Variants in RUNX1 observed in about 807,000 individuals in gnomAD.
RUNX1 encodes RUNX family transcription factor 1.
A neutral mutation model predicts 42.8 loss-of-function variants in RUNX1; 19 were observed. The ratio of observed to expected loss-of-function variants is 0.44; its 90% CI spans 0.31 to 0.65. The LOEUF is 0.65. RUNX1 is among the 30% of genes least tolerant of loss of function. The probability of loss-of-function intolerance (pLI) is 0.07; values close to 1 mark genes in which losing one functional copy is unlikely to be tolerated. For missense variants in RUNX1, 528 were observed against 672.0 expected (o/e 0.79, Z 2.37); for synonymous variants, 271 against 289.4 (o/e 0.94, Z 0.64).
intron 6 of RUNX1, among the ~76,000 whole-genome samples, chr21:34,849,708 A>G (rs1473638564): frequency 2.0e-5 from 3 of 150,354 alleles, no homozygotes; most frequent in East Asian, 2.0e-4. Context: ...GTAATAGATT[A>G]TACCTAATTT....
intron 2 of RUNX1, among the ~76,000 whole-genome samples, chr21:35,022,692 C>A (rs75866311): frequency 2.0e-5 from 3 of 152,062 alleles, no homozygotes; most frequent in Admixed American, 1.3e-4. Context: ...GTCAGGAATT[C>A]GAGACCAGCC....
At chr21:34,975,201 C>T (rs2058792250) in intron 2 of RUNX1, among the ~76,000 whole-genome samples, 1 of 152,242 alleles carries the variant, frequency 6.6e-6, no homozygotes, top group African/African-American at 2.4e-5. Context: ...TTTCATTAGA[C>T]CTCAATACCT....
intron 5 of RUNX1, among the ~76,000 whole-genome samples, chr21:34,874,637 A>G (rs12627553): frequency 2.8e-5 from 4 of 143,650 alleles, no homozygotes; most frequent in Non-Finnish European, 4.5e-5. Flanking sequence ...AAAAAAAAAG[A>G]CAGTACACCA....
At chr21:34,876,015 T>A (rs957602437) in intron 5 of RUNX1, among the ~76,000 whole-genome samples, 1 of 152,318 alleles carries the variant, frequency 6.6e-6, no homozygotes, top group East Asian at 1.9e-4. Context: ...TGTATAAATG[T>A]GTTGGGAAAG....
chr21:35,033,669 T>C (rs186360459), intron 2 of RUNX1, among the ~76,000 whole-genome samples: 1 of 152,248 alleles, frequency 6.6e-6, no homozygotes, highest in African/African-American at 2.4e-5. Flanking sequence ...CAGAGAGGAT[T>C]TGAAAATAAC....
chr21:34,994,544 A>T (rs2058978550), intron 2 of RUNX1, among the ~76,000 whole-genome samples: 1 of 152,116 alleles, frequency 6.6e-6, no homozygotes, highest in Non-Finnish European at 1.5e-5. Context: ...GTATAGGTAC[A>T]ATGTGTGCAT....
intron 7 of RUNX1, among the ~76,000 whole-genome samples, chr21:34,812,602 C>G (rs2056772058): frequency 6.6e-6 from 1 of 152,208 alleles, no homozygotes; most frequent in Non-Finnish European, 1.5e-5. Context: ...AAATGACACA[C>G]ACAAAACCGC....
At chr21:34,992,971 G>A (rs951268560) in intron 2 of RUNX1, among the ~76,000 whole-genome samples, 2 of 152,238 alleles carry the variant, frequency 1.3e-5, no homozygotes, top group Non-Finnish European at 2.9e-5. Context: ...GACTCCCTCC[G>A]GGTGGTTCTC....
chr21:34,860,505 C>T (rs770272851), intron 5 of RUNX1, among the ~76,000 whole-genome samples: 5 of 150,418 alleles, frequency 3.3e-5, no homozygotes, highest in South Asian at 2.1e-4. Context: ...ATCTGGCACA[C>T]GGTATTCAAC....
At chr21:34,813,142 G>T (rs1410675022) in intron 7 of RUNX1, among the ~76,000 whole-genome samples, 1 of 152,080 alleles carries the variant, frequency 6.6e-6, no homozygotes, top group East Asian at 1.9e-4. Flanking sequence ...AGACATTTTT[G>T]GTTGCCACAA....
intron 2 of RUNX1, among the ~76,000 whole-genome samples, chr21:35,022,770 C>A (rs955384685): frequency 6.6e-6 from 1 of 151,810 alleles, no homozygotes; most frequent in African/African-American, 2.4e-5. Flanking sequence ...TGGCGGGTGC[C>A]CGTAATCCCG....
chr21:34,835,439 G>A (rs533491096), intron 6 of RUNX1, among the ~76,000 whole-genome samples: 5 of 151,638 alleles, frequency 3.3e-5, no homozygotes, highest in Admixed American at 1.3e-4. Context: ...GGGTGGGATG[G>A]TGGGCCCCTC....
chr21:35,046,322 C>G (rs1380345924), intron 2 of RUNX1, among the ~76,000 whole-genome samples: 1 of 152,192 alleles, frequency 6.6e-6, no homozygotes, highest in Non-Finnish European at 1.5e-5. Flanking sequence ...CTCTTTCCCC[C>G]CAATTTCCAC....
At chr21:34,870,755 C>T (rs2057725057) in intron 5 of RUNX1, among the ~76,000 whole-genome samples, 1 of 152,050 alleles carries the variant, frequency 6.6e-6, no homozygotes, top group South Asian at 2.1e-4. Context: ...GTCAAGAGAT[C>T]GAGACCATCC....
chr21:34,896,330 G>A (rs1381109201), intron 2 of RUNX1, among the ~76,000 whole-genome samples: 2 of 152,126 alleles, frequency 1.3e-5, no homozygotes, highest in African/African-American at 4.8e-5. Context: ...GAGCAGAAGA[G>A]GGAGCAACCA....
At chr21:35,017,159 C>A (rs1439060192) in intron 2 of RUNX1, among the ~76,000 whole-genome samples, 1 of 152,092 alleles carries the variant, frequency 6.6e-6, no homozygotes, top group Non-Finnish European at 1.5e-5. Context: ...ACCCAGACCT[C>A]CTCCACTTTC....
chr21:34,958,534 C>A (rs1026987527), intron 2 of RUNX1, among the ~76,000 whole-genome samples: 2 of 152,082 alleles, frequency 1.3e-5, no homozygotes, highest in African/African-American at 2.4e-5. Flanking sequence ...GGCGATCATT[C>A]AAAAGTCAGG....
chr21:35,027,029 G>A (rs1057437785), intron 2 of RUNX1, among the ~76,000 whole-genome samples: 4 of 152,202 alleles, frequency 2.6e-5, no homozygotes, highest in African/African-American at 9.6e-5. Context: ...GAAGTAGAGC[G>A]GCCCCACCCT....
intron 6 of RUNX1, among the ~76,000 whole-genome samples, chr21:34,857,665 T>A (rs1210534572): frequency 6.6e-6 from 1 of 152,206 alleles, no homozygotes. Flanking sequence ...TCGATTTTCT[T>A]ATACCTAACA....
Sources: gnomAD v4.1 joint callset for allele counts (sites outside exome capture counted in the v4.1 genomes callset) on GRCh38, gnomAD v4.1.1 for gene constraint, MANE v1.5 for transcripts, NCBI Gene and HGNC (gene_info 2026-07-23, HGNC 2026-07-21) for gene names.